The following CLPB variants were observed in gnomAD, a reference collection of about 807,000 sequenced individuals.
CLPB encodes mitochondrial disaggregase.
CLPB carries 40 observed loss-of-function variants against 78.4 expected under a neutral mutation model. The ratio of observed to expected loss-of-function variants is 0.51; its 90% CI spans 0.40 to 0.66. The LOEUF (loss-of-function observed/expected upper bound fraction) is 0.66, where lower values mean the gene tolerates loss of function less well. Ranked by LOEUF, CLPB falls within the 30% of genes least tolerant of loss-of-function variation. The pLI, the probability that CLPB is intolerant of heterozygous loss-of-function variation, is 0.00. For synonymous variants in CLPB, 333 were observed against 348.0 expected, an observed-to-expected ratio of 0.96 and a Z score of 0.48; for missense variants, 780 against 886.9, an observed-to-expected ratio of 0.88 and a Z score of 1.53.
intron 4 of CLPB, among the ~76,000 whole-genome samples, chr11:72,360,009 T>C (rs963250031): frequency 1.3e-5 from 2 of 152,210 alleles, no homozygotes; most frequent in Non-Finnish European, 2.9e-5. Flanking sequence ...TTATAGACAG[T>C]TCCAGTTTGG....
chr11:72,344,157 A>T (rs898778608), intron 5 of CLPB, among the ~76,000 whole-genome samples: 1 of 152,178 alleles, frequency 6.6e-6, no homozygotes, highest in African/African-American at 2.4e-5. Context: ...CCATGGGTGC[A>T]GTAATCTATA....
chr11:72,303,549 G>A (rs1334189798), intron 9 of CLPB, among the ~76,000 whole-genome samples: 1 of 152,184 alleles, frequency 6.6e-6, no homozygotes, highest in East Asian at 1.9e-4. Flanking sequence ...TTTGTCCTGT[G>A]TTACAGAAGG....
intron 4 of CLPB, among the ~76,000 whole-genome samples, chr11:72,364,671 A>G (rs1005105694): frequency 3.9e-5 from 6 of 152,064 alleles, no homozygotes; most frequent in Non-Finnish European, 8.8e-5. Flanking sequence ...GCCTTCAAAC[A>G]AATTTTCCTT....
At chr11:72,377,097 C>A (rs79692759) in intron 4 of CLPB, among the ~76,000 whole-genome samples, 1 of 152,006 alleles carries the variant, frequency 6.6e-6, no homozygotes, top group East Asian at 1.9e-4. Flanking sequence ...CAGGAAAATA[C>A]GACAAATGCT....
chr11:72,321,806 C>A (rs775948688), intron 6 of CLPB, among the ~76,000 whole-genome samples: 5 of 152,144 alleles, frequency 3.3e-5, no homozygotes, highest in Non-Finnish European at 5.9e-5. Context: ...AGTCCACCTG[C>A]TACTCATAGA....
chr11:72,380,473 A>G (rs995680847), intron 3 of CLPB, 89 bp from the exon 4 acceptor site: 1 of 967,022 alleles, frequency 1.0e-6, no homozygotes, highest in African/African-American at 1.6e-5. Flanking sequence ...TGGGGACTGG[A>G]GCTGTCTCTG....
intron 2 of CLPB, chr11:72,428,865 T>C (rs1044127567): frequency 1.3e-5 from 2 of 152,234 alleles, no homozygotes; most frequent in African/African-American, 4.8e-5. Flanking sequence ...TAGAAAAACA[T>C]GTATTTGAAA....
At chr11:72,298,692 T>A (rs1192228019) in intron 11 of CLPB, among the ~76,000 whole-genome samples, 8 of 152,164 alleles carry the variant, frequency 5.3e-5, no homozygotes, top group African/African-American at 1.9e-4. Context: ...GAGACAAGGT[T>A]TTGCCATGTT....
chr11:72,309,225 G>C (rs1202876969), intron 7 of CLPB, among the ~76,000 whole-genome samples: 1 of 152,204 alleles, frequency 6.6e-6, no homozygotes, highest in Non-Finnish European at 1.5e-5. Flanking sequence ...ATAGCCTCCA[G>C]TGGTGGAGGG....
chr11:72,378,434 C>T (rs565174785), intron 4 of CLPB, among the ~76,000 whole-genome samples: 4 of 152,028 alleles, frequency 2.6e-5, no homozygotes, highest in South Asian at 2.1e-4. Context: ...AAAATGAGGA[C>T]GAAGCAAAAA....
At position 72,295,611 on chromosome 11, in the gene CLPB, C is replaced by G; in HGVS notation, c.1367G>C (p.Cys456Ser). Reference protein sequence around the residue: ...LTDGKGKTIDCKDAIFIMTSN... With the variant: ...LTDGKGKTIDSKDAIFIMTSN... ...GGTCATGATGAAGATGGCGTCCTTG[C>G]AATCAATGGTCTTCCCTTTTCCATC... The change falls in exon 12 of 16, where the codon TGC becomes TCC. Residue 456 changes from cysteine to serine, a missense_variant. By Grantham distance (112) the Cys-to-Ser change is moderately radical (BLOSUM62 -1). Around this residue, in one of 3 missense-constraint regions of CLPB, gnomAD observed 272 missense variants for 304.0 expected, o/e 0.89. Transcript: ENST00000538039. 6.2e-7 allele frequency: 1 copy of G among 1,614,118 alleles called. No individual in the cohort carries two copies. The highest frequency in any genetic ancestry group is 8.5e-7 in the Non-Finnish European group (1 of 1,180,016).
intron 5 of CLPB, among the ~76,000 whole-genome samples, chr11:72,357,845 A>G (rs1950749817): frequency 6.6e-6 from 1 of 152,078 alleles, no homozygotes; most frequent in South Asian, 2.1e-4. Context: ...AGAGTGGCCC[A>G]GAGACCTTTG....
chr11:72,402,835 T>C, intron 3 of CLPB, 131 bp downstream of exon 3: 1 of 682,930 alleles, frequency 1.5e-6, no homozygotes, highest in Non-Finnish European at 2.6e-6. Context: ...TGAAGTCCAG[T>C]ACCTCAGTCT....
At chr11:72,419,877 A>G (rs1856138643) in intron 2 of CLPB, among the ~76,000 whole-genome samples, 1 of 152,192 alleles carries the variant, frequency 6.6e-6, no homozygotes, top group African/African-American at 2.4e-5. Context: ...TTTGAGCTCC[A>G]TGAGGCAAAT....
At chr11:72,365,473 A>T (rs1190930519) in intron 4 of CLPB, among the ~76,000 whole-genome samples, 3 of 152,228 alleles carry the variant, frequency 2.0e-5, no homozygotes, top group Non-Finnish European at 2.9e-5. Context: ...TTATGGAGTG[A>T]TAAAAATGTC....
chr11:72,380,500 G>A, intron 3 of CLPB, 116 bp from the exon 4 acceptor site: 6 of 753,414 alleles, frequency 8.0e-6, no homozygotes, highest in South Asian at 4.7e-5. Context: ...TGAGTGATAC[G>A]GTGGGAAAAA....
At chr11:72,373,128 G>A in intron 4 of CLPB, 1 of 806,982 alleles carries the variant, frequency 1.2e-6, no homozygotes. Flanking sequence ...TCTACCCCCA[G>A]AAGGGCCCTA....
intron 6 of CLPB, among the ~76,000 whole-genome samples, chr11:72,320,681 A>G (rs1950028137): frequency 6.6e-6 from 1 of 152,152 alleles, no homozygotes; most frequent in Admixed American, 6.5e-5. Flanking sequence ...GTGCTAAAAA[A>G]CATATGAAAT....
At chr11:72,300,664 G>A (rs746289150) in intron 11 of CLPB, among the ~76,000 whole-genome samples, 1 of 152,108 alleles carries the variant, frequency 6.6e-6, no homozygotes, top group Non-Finnish European at 1.5e-5. Context: ...TGTGCTGTTC[G>A]GTCTGGAGGA....
Sources: allele counts gnomAD v4.1 joint callset (sites outside exome capture counted in the v4.1 genomes callset), GRCh38; gene constraint gnomAD v4.1.1; regional missense constraint gnomAD v4.1.1; transcripts MANE v1.5; gene names NCBI Gene and HGNC (gene_info 2026-07-23, HGNC 2026-07-21).